ADAD1: variants seen among roughly 807,000 people sequenced by gnomAD.
The protein encoded by ADAD1 is adenosine deaminase domain containing 1.
ADAD1 carries 46 observed loss-of-function variants against 66.8 expected under a neutral mutation model. The ratio of observed to expected loss-of-function variants is 0.69; its 90% CI spans 0.54 to 0.88. ADAD1 has a LOEUF of 0.88. Ranked by LOEUF, ADAD1 falls within the 40% of genes least tolerant of loss-of-function variation. The pLI, the probability that ADAD1 is intolerant of heterozygous loss-of-function variation, is 0.00. For synonymous variants in ADAD1, 248 were observed against 229.4 expected (o/e 1.08, Z -0.73); for missense variants, 617 against 681.8 (o/e 0.91, Z 1.06).
rs1256230192 is a variant in ADAD1 at position 122,409,473 on chromosome 4, T to C, written c.848+1442T>C. Among the ~76,000 whole-genome samples, 5 of 152,168 alleles carry C rather than the reference T, an allele frequency of 3.3e-5. No homozygotes were observed. In the East Asian group the frequency reaches 9.6e-4, roughly 29 times the overall value. On this transcript the variant is annotated intron_variant, in intron 8 of 12. Coordinates refer to ENST00000296513, the MANE Select transcript of ADAD1 (RefSeq NM_139243.4). Reference sequence around the variant, plus strand: ...GACACAGGCATACAGTGCATAATAGTCACTTTAGGGTAAATGGAGTATGTA... The same window carrying C: ...GACACAGGCATACAGTGCATAATAGCCACTTTAGGGTAAATGGAGTATGTA...
At chr4:122,396,762 G>A (rs535264477) in intron 7 of ADAD1, among the ~76,000 whole-genome samples, 9 of 152,136 alleles carry the variant, frequency 5.9e-5, no homozygotes, top group African/African-American at 1.7e-4. Flanking sequence ...TTGTGTTAAC[G>A]CTTTAATGTT....
At chr4:122,413,891 G>A (rs577964167) in intron 10 of ADAD1, among the ~76,000 whole-genome samples, 1 of 125,348 alleles carries the variant, frequency 8.0e-6, no homozygotes, top group South Asian at 2.3e-4. Context: ...TTATTGTCAG[G>A]TCAGGTCTTC....
At chr4:122,421,632 T>C (rs958764201) in intron 12 of ADAD1, among the ~76,000 whole-genome samples, 2 of 152,272 alleles carry the variant, frequency 1.3e-5, no homozygotes, top group Admixed American at 6.5e-5. Flanking sequence ...GTAGGTTACA[T>C]AGCACTTAAA....
chr4:122,422,290 A>T (rs1408375679), intron 12 of ADAD1, among the ~76,000 whole-genome samples: 1 of 151,978 alleles, frequency 6.6e-6, no homozygotes, highest in African/African-American at 2.4e-5. Flanking sequence ...ATGCTGGGCT[A>T]ATTTTTGTAC....
intron 8 of ADAD1, among the ~76,000 whole-genome samples, chr4:122,410,808 A>AT (rs1382782004): frequency 6.6e-6 from 1 of 152,058 alleles, no homozygotes; most frequent in Admixed American, 6.6e-5. Flanking sequence ...AGTTTTTGTC[A>AT]TTTTTGTAGT....
At chr4:122,391,560 T>C (rs1285630299) in intron 5 of ADAD1, among the ~76,000 whole-genome samples, 1 of 152,186 alleles carries the variant, frequency 6.6e-6, no homozygotes, top group African/African-American at 2.4e-5. Context: ...AGCCTCTAGC[T>C]GGAGTTATTG....
chr4:122,391,088 G>C (rs568634334), intron 5 of ADAD1, among the ~76,000 whole-genome samples: 1 of 152,220 alleles, frequency 6.6e-6, no homozygotes, highest in South Asian at 2.1e-4. Context: ...CTTTCTGCTT[G>C]TTCGTTTTTC....
intron 4 of ADAD1, among the ~76,000 whole-genome samples, chr4:122,381,992 C>T (rs1794917681): frequency 6.6e-6 from 1 of 152,176 alleles, no homozygotes. Flanking sequence ...AAGATAGTTA[C>T]AGCGACATCA....
chr4:122,421,739 G>T (rs1312978703), intron 12 of ADAD1, among the ~76,000 whole-genome samples: 2 of 151,916 alleles, frequency 1.3e-5, no homozygotes, highest in Non-Finnish European at 2.9e-5. Flanking sequence ...TATTCTAAAA[G>T]AATATATTAT....
chr4:122,427,343 A>T (rs1797290242), intron 12 of ADAD1, among the ~76,000 whole-genome samples: 1 of 152,116 alleles, frequency 6.6e-6, no homozygotes, highest in Non-Finnish European at 1.5e-5. Flanking sequence ...AGATGAGAGA[A>T]ATTGAAGGAG....
At chr4:122,428,794 G>T (rs1398575030) in intron 12 of ADAD1, among the ~76,000 whole-genome samples, 1 of 152,108 alleles carries the variant, frequency 6.6e-6, no homozygotes, top group South Asian at 2.1e-4. Flanking sequence ...CTTTTTAGAG[G>T]TGAGGGATTT....
intron 5 of ADAD1, among the ~76,000 whole-genome samples, chr4:122,391,746 G>A (rs1357450455): frequency 6.6e-6 from 1 of 152,144 alleles, no homozygotes; most frequent in Non-Finnish European, 1.5e-5. Context: ...GAGTCTCTCT[G>A]TCACCCATAC....
intron 7 of ADAD1, among the ~76,000 whole-genome samples, chr4:122,404,246 T>A (rs559954833): frequency 7.2e-5 from 11 of 152,310 alleles, no homozygotes; most frequent in African/African-American, 2.2e-4. Context: ...AGACTTCAGC[T>A]AGAAGCTTCC....
intron 10 of ADAD1, 104 bp downstream of exon 10, chr4:122,412,913 CTT>C: frequency 1.1e-6 from 1 of 936,664 alleles, no homozygotes; most frequent in Admixed American, 2.3e-5. Context: ...ATACGTGAAA[CTT>C]TATTTAAGGT....
rs1267132510 is a variant in ADAD1, at chr4:122,410,380, G to A, written c.849-842G>A. Among the ~76,000 whole-genome samples the A allele has an allele frequency of 3.3e-5, 5 of 152,126 alleles. No individual in the cohort carries two copies. In the South Asian group the frequency reaches 8.3e-4, roughly 25 times the overall value. ...ATATTTTTGATGATGGGATTCAAGG[G>A]AGTATATCTTAAAGTCATGGTTTAT... On this transcript the variant is annotated intron_variant, in intron 8 of 12. Transcript: ENST00000296513.
chr4:122,424,171 G>A (rs547952997), intron 12 of ADAD1, among the ~76,000 whole-genome samples: 9 of 152,194 alleles, frequency 5.9e-5, no homozygotes, highest in South Asian at 2.1e-4. Context: ...TTAAACTAAC[G>A]TTAAGAAAAT....
intron 10 of ADAD1, 144 bp from the exon 11 acceptor site, chr4:122,415,235 G>A: frequency 1.6e-6 from 1 of 637,732 alleles, no homozygotes; most frequent in Non-Finnish European, 2.7e-6. Flanking sequence ...TGGAGTAGAT[G>A]CTAAGAGAAT....
intron 11 of ADAD1, among the ~76,000 whole-genome samples, chr4:122,416,090 T>C (rs1292119045): frequency 1.3e-5 from 2 of 152,316 alleles, no homozygotes; most frequent in South Asian, 4.1e-4. Flanking sequence ...TGTTATACTG[T>C]CTTATAATAA....
chr4:122,383,188 TTTATCA>T (rs1794988293), intron 4 of ADAD1, among the ~76,000 whole-genome samples: 1 of 152,078 alleles, frequency 6.6e-6, no homozygotes, highest in South Asian at 2.1e-4. Context: ...AATTCTTTAG[TTTATCA>T]TTATGTTTTG....
Sources: gnomAD v4.1 joint callset for allele counts (sites outside exome capture counted in the v4.1 genomes callset) on GRCh38, gnomAD v4.1.1 for gene constraint, MANE v1.5 for transcripts, NCBI Gene and HGNC (gene_info 2026-07-23, HGNC 2026-07-21) for gene names.